The following GNAQ variants were observed in gnomAD, a reference collection of about 807,000 sequenced individuals.
GNAQ encodes the protein G protein subunit alpha q, also known as guanine nucleotide-binding protein G(q) subunit alpha.
GNAQ carries 8 observed loss-of-function variants against 43.9 expected under a neutral mutation model. The ratio of observed to expected loss-of-function variants is 0.18; its 90% CI spans 0.11 to 0.33. GNAQ has a LOEUF of 0.33. GNAQ is among the 10% of genes least tolerant of loss of function. The pLI is 1.00. For missense variants in GNAQ, 158 were observed against 450.8 expected, an observed-to-expected ratio of 0.35 and a Z score of 5.88; for synonymous variants, 155 against 170.7, an observed-to-expected ratio of 0.91 and a Z score of 0.71.
At chr9:77,809,742 T>C (rs1006042804) in intron 3 of GNAQ, among the ~76,000 whole-genome samples, 1 of 152,220 alleles carries the variant, frequency 6.6e-6, no homozygotes, top group African/African-American at 2.4e-5. Context: ...CTTTGAGTCA[T>C]CTGATTACTT....
intron 1 of GNAQ, among the ~76,000 whole-genome samples, chr9:77,972,626 G>A (rs1457086533): frequency 2.0e-5 from 3 of 152,022 alleles, no homozygotes; most frequent in South Asian, 4.1e-4. Flanking sequence ...AAATTTAACA[G>A]GAAACGTAGG....
chr9:77,888,875 AG>A (rs1315083834), intron 2 of GNAQ, among the ~76,000 whole-genome samples: 7 of 152,172 alleles, frequency 4.6e-5, no homozygotes, highest in Admixed American at 1.3e-4. Flanking sequence ...TTGCTCCCTC[AG>A]AGTAGGGGAG....
At chr9:77,963,152 T>G (rs1317482247) in intron 1 of GNAQ, among the ~76,000 whole-genome samples, 1 of 152,126 alleles carries the variant, frequency 6.6e-6, no homozygotes. Context: ...TGAAATCACT[T>G]TGAGGACAAT....
intron 3 of GNAQ, among the ~76,000 whole-genome samples, chr9:77,813,520 TG>T (rs1301493867): frequency 6.6e-6 from 1 of 152,164 alleles, no homozygotes; most frequent in Non-Finnish European, 1.5e-5. Context: ...TACTAACTAA[TG>T]GGTCCATGTC....
At chr9:77,972,733 C>G (rs1823252286) in intron 1 of GNAQ, among the ~76,000 whole-genome samples, 1 of 151,926 alleles carries the variant, frequency 6.6e-6, no homozygotes, top group South Asian at 2.1e-4. Context: ...GCGGGTGGAT[C>G]GATCACCTGA....
At chr9:77,818,993 C>G (rs1156249526) in intron 2 of GNAQ, among the ~76,000 whole-genome samples, 2 of 84,682 alleles carry the variant, frequency 2.4e-5, no homozygotes, top group African/African-American at 4.6e-5. Context: ...GAGAGAAATA[C>G]CATCTCTCCA....
chr9:77,875,866 A>G (rs1022528322), intron 2 of GNAQ, among the ~76,000 whole-genome samples: 1 of 152,170 alleles, frequency 6.6e-6, no homozygotes, highest in Non-Finnish European at 1.5e-5. Context: ...TCAGTGGGAA[A>G]GTAGAGGGGA....
intron 1 of GNAQ, among the ~76,000 whole-genome samples, chr9:77,955,097 A>G (rs1302957383): frequency 6.6e-6 from 1 of 152,224 alleles, no homozygotes; most frequent in East Asian, 1.9e-4. Context: ...TTCGAACTCC[A>G]CAGCAGTTGC....
rs1033231241 is a variant in GNAQ, at chr9:77,901,333, T to C, written c.321+20828A>G. Among the ~76,000 whole-genome samples, 3 of 152,202 alleles carry C rather than the reference T, an allele frequency of 2.0e-5. 1 individual carries two copies. The highest frequency in any genetic ancestry group is 4.1e-4 in the South Asian group (2 of 4,836). On this transcript the variant is annotated intron_variant, in intron 2 of 6. Coordinates refer to ENST00000286548, the MANE Select transcript of GNAQ (RefSeq NM_002072.5). ...TTACAATACAATTCCCCTACACCTTTACAGCCTTATCTCTCACCACAAAAC... is the reference window on the plus strand; with the variant it reads ...TTACAATACAATTCCCCTACACCTTCACAGCCTTATCTCTCACCACAAAAC...
At position 77,802,469 on chromosome 9, in the gene GNAQ, T is replaced by C. The variant is rs182058557; in HGVS notation, c.477-4821A>G. On this transcript the variant is annotated intron_variant, in intron 3 of 6. Coordinates refer to ENST00000286548, the MANE Select transcript of GNAQ (RefSeq NM_002072.5). ...TCTCTTAACTGAATTGTACTTTCCA[T>C]TGAAGCATTTTCTATTCTAAAAAAA... Among the ~76,000 whole-genome samples, 14 of 152,192 alleles carry C rather than the reference T, an allele frequency of 9.2e-5. No individual in the cohort carries two copies. The East Asian group carries it at 2.1e-3, about 23-fold the overall frequency.
At chr9:77,982,756 A>C (rs1823383696) in intron 1 of GNAQ, among the ~76,000 whole-genome samples, 1 of 151,688 alleles carries the variant, frequency 6.6e-6, no homozygotes, top group Non-Finnish European at 1.5e-5. Context: ...AAAAAAGTCA[A>C]AACCACAGGA....
At chr9:77,825,055 G>A (rs770020664) in intron 2 of GNAQ, among the ~76,000 whole-genome samples, 6 of 152,136 alleles carry the variant, frequency 3.9e-5, no homozygotes, top group Non-Finnish European at 7.4e-5. Flanking sequence ...GAAGATTTGT[G>A]TCTTTCGTAT....
intron 2 of GNAQ, among the ~76,000 whole-genome samples, chr9:77,899,872 A>G (rs1828572770): frequency 6.6e-6 from 1 of 152,222 alleles, no homozygotes; most frequent in Non-Finnish European, 1.5e-5. Context: ...TGATTCAGCA[A>G]GAACAAAGAC....
intron 1 of GNAQ, among the ~76,000 whole-genome samples, chr9:77,963,829 G>C (rs1437355380): frequency 6.6e-6 from 1 of 152,094 alleles, no homozygotes; most frequent in Non-Finnish European, 1.5e-5. Flanking sequence ...AATTTTTACA[G>C]AAAATTATTA....
In GNAQ at chr9:77,797,330, G is replaced by A. The variant is rs183248929; in HGVS notation, c.605+190C>T. Among the ~76,000 whole-genome samples the A allele has an allele frequency of 3.8e-3, 577 of 152,280 alleles. 6 individuals carry two copies. Among genetic ancestry groups the A allele is most frequent in the African/African-American group, 0.013 (559 of 41,552 alleles). On this transcript the variant is annotated intron_variant, in intron 4 of 6. Coordinates refer to ENST00000286548, the MANE Select transcript of GNAQ (RefSeq NM_002072.5). ...TAACAGGCGTGAGCCACCGCGCCCGGCCTCCAGTACATCTTTCTGTTATTT... is the reference window on the plus strand; with the variant it reads ...TAACAGGCGTGAGCCACCGCGCCCGACCTCCAGTACATCTTTCTGTTATTT...
chr9:78,005,888 C>T (rs746040350), intron 1 of GNAQ, among the ~76,000 whole-genome samples: 6 of 152,140 alleles, frequency 3.9e-5, no homozygotes, highest in Admixed American at 6.5e-5. Flanking sequence ...AATGCAAAAT[C>T]GGCCAACGGA....
At chr9:77,906,561 A>G (rs1828711973) in intron 2 of GNAQ, among the ~76,000 whole-genome samples, 1 of 152,230 alleles carries the variant, frequency 6.6e-6, no homozygotes, top group African/African-American at 2.4e-5. Context: ...TACTTGTGAT[A>G]TATACTCGAT....
At chr9:78,030,456 C>A in intron 1 of GNAQ, 2 of 464,508 alleles carry the variant, frequency 4.3e-6, no homozygotes, top group South Asian at 3.2e-5. Context: ...CTTGCCCTCC[C>A]GCCTCGCCCC....
At chr9:77,787,534 G>A (rs2118422464) in intron 5 of GNAQ, among the ~76,000 whole-genome samples, 1 of 152,166 alleles carries the variant, frequency 6.6e-6, no homozygotes, top group Non-Finnish European at 1.5e-5. Context: ...AGAATAGCAA[G>A]GAAATATTAA....
Sources: allele counts gnomAD v4.1 joint callset (sites outside exome capture counted in the v4.1 genomes callset), GRCh38; gene constraint gnomAD v4.1.1; transcripts MANE v1.5; gene names NCBI Gene and HGNC (gene_info 2026-07-23, HGNC 2026-07-21).